The following RC3H1 variants were observed in gnomAD, a reference collection of about 807,000 sequenced individuals.
RC3H1 encodes the protein ring finger and CCCH-type domains 1.
Under a neutral mutation model 138.2 loss-of-function variants are expected in RC3H1, and 50 were observed. That is an observed-to-expected ratio of 0.36 (90% CI 0.29 to 0.46). The LOEUF (loss-of-function observed/expected upper bound fraction) is 0.46. Among genes scored for constraint, RC3H1 ranks in the 20% least tolerant of loss-of-function variants. The probability of loss-of-function intolerance (pLI) is 1.00; values close to 1 mark genes in which losing one functional copy is unlikely to be tolerated. For missense variants in RC3H1, 1,031 were observed against 1,388.1 expected, an observed-to-expected ratio of 0.74 and a Z score of 4.09; for synonymous variants, 462 against 489.1, an observed-to-expected ratio of 0.94 and a Z score of 0.73.
intron 2 of RC3H1, among the ~76,000 whole-genome samples, chr1:173,989,305 C>G (rs911347531): frequency 6.7e-6 from 1 of 149,878 alleles, no homozygotes; most frequent in Non-Finnish European, 1.5e-5. Context: ...AGGTGATGCT[C>G]CCACCTCAGC....
At position 173,935,347 on chromosome 1, in the gene RC3H1, A is replaced by T. The variant is rs1658540140; in HGVS notation, c.*3374T>A. 6.6e-6 allele frequency: 1 copy of T among 152,106 alleles called. No homozygotes were observed. Among genetic ancestry groups the T allele is most frequent in the African/African-American group, 2.4e-5 (1 of 41,412 alleles). 9.4% of individuals were successfully genotyped at this position (152,106 alleles called of 1,614,324 possible). A position where few individuals can be genotyped will look rare whatever the true frequency, so the allele number is the denominator to read the frequency against. On this transcript the variant is annotated 3_prime_UTR_variant, in exon 20 of 20. Transcript: ENST00000367696. ...CCTTGAAAAAAGAGTAAGTCAAAATACTTTTATATTTCTCGCTATAAATAA... is the reference window on the plus strand; with the variant it reads ...CCTTGAAAAAAGAGTAAGTCAAAATTCTTTTATATTTCTCGCTATAAATAA...
At position 173,945,059 on chromosome 1, in the gene RC3H1, G is replaced by A. The variant is rs1016928981; in HGVS notation, c.2961+1417C>T. Among the ~76,000 whole-genome samples the A allele has an allele frequency of 2.6e-5, 4 of 151,780 alleles. No individual in the cohort carries two copies. The East Asian group carries it at 7.7e-4, about 29-fold the overall frequency. ...CCATATTCAAAGAATATGTTCCAAC[G>A]TAAAGGATGATGTATAAACAAAACC... On this transcript the variant is annotated intron_variant, in intron 17 of 19. Transcript: ENST00000367696.
rs539022556 is a variant in RC3H1 at position 173,945,681 on chromosome 1, G to A, written c.2961+795C>T. 2.6e-5 allele frequency among the ~76,000 whole-genome samples: 4 copies of A among 152,002 alleles called. No homozygotes were observed. In the East Asian group the frequency reaches 7.8e-4, roughly 30 times the overall value. ...AAAGTGTTATTATTCTTATTACACC[G>A]GAACTATGTTTTACTTTTTAAGTCA... On this transcript the variant is annotated intron_variant, in intron 17 of 19. Coordinates refer to ENST00000367696, the MANE Select transcript of RC3H1 (RefSeq NM_172071.4).
At chr1:173,960,011 G>A (rs1417743687) in intron 13 of RC3H1, among the ~76,000 whole-genome samples, 1 of 149,616 alleles carries the variant, frequency 6.7e-6, no homozygotes, top group African/African-American at 2.5e-5. Context: ...AGGAGGCTGG[G>A]GCAGGAGAAT....
intron 14 of RC3H1, among the ~76,000 whole-genome samples, chr1:173,950,819 G>A (rs552216324): frequency 6.6e-6 from 1 of 151,942 alleles, no homozygotes; most frequent in East Asian, 1.9e-4. Flanking sequence ...GATCACTTGA[G>A]GCCAGGAGTT....
rs138558344 is a variant in RC3H1, at chr1:173,954,164, T to TC, written c.2371-2027_2371-2026insG. On this transcript the variant is annotated intron_variant, in intron 13 of 19. Transcript: ENST00000367696. ...CATGTTTTATTCCCAATAGCCAAGA[T>TC]ATGGAATCAACCTAGGTATCCAGCA... 8.4e-3 allele frequency among the ~76,000 whole-genome samples: 1,277 copies of TC among 152,192 alleles called. 12 individuals carry two copies. Among genetic ancestry groups the TC allele is most frequent in the African/African-American group, 0.029 (1,197 of 41,500 alleles).
chr1:173,977,584 G>T (rs571273418), intron 7 of RC3H1, among the ~76,000 whole-genome samples: 2 of 152,206 alleles, frequency 1.3e-5, no homozygotes, highest in Non-Finnish European at 2.9e-5. Context: ...CAAGCACTGG[G>T]AGATGTATCT....
chr1:174,008,932 G>A (rs923543813), intron 1 of RC3H1, among the ~76,000 whole-genome samples: 3 of 143,188 alleles, frequency 2.1e-5, no homozygotes, highest in East Asian at 2.2e-4. Flanking sequence ...AGCCAAGATC[G>A]TACCACTGCA....
At chr1:173,949,138 G>GA (rs1283886757) in intron 14 of RC3H1, among the ~76,000 whole-genome samples, 1 of 95,740 alleles carries the variant, frequency 1.0e-5, no homozygotes, top group Non-Finnish European at 2.0e-5. Context: ...TTGGGGGGGG[G>GA]GGTGGGGCTG....
At chr1:174,016,769 A>G (rs368611557) in intron 1 of RC3H1, among the ~76,000 whole-genome samples, 1 of 152,094 alleles carries the variant, frequency 6.6e-6, no homozygotes, top group Non-Finnish European at 1.5e-5. Flanking sequence ...TGAATTTAAG[A>G]TAACAATATA....
Position 173,982,796 on chromosome 1 carries a change from C to A in RC3H1, c.699G>T (p.Arg233=). The A allele has an allele frequency of 1.2e-6, 2 of 1,613,878 alleles. No individual in the cohort carries two copies. Among genetic ancestry groups the A allele is most frequent in the Middle Eastern group, 1.7e-4 (1 of 6,060 alleles). ...VLFVVQRLEP[R]FPQASKTSIG... is the part of the protein sequence containing the mutation. The stretch of plus-strand genomic sequence containing the variant: ...TGCTAGTTTTAGAGGCTTGAGGAAA[C>A]CGTGGCTCCAATCTTTGCACCACAA... The change falls in exon 5 of 20, where the codon CGG becomes CGT. Residue 233 remains arginine (R), a synonymous_variant. Transcript: ENST00000367696.
intron 8 of RC3H1, among the ~76,000 whole-genome samples, chr1:173,970,836 T>A (rs576184515): frequency 1.3e-5 from 2 of 152,190 alleles, no homozygotes; most frequent in Non-Finnish European, 2.9e-5. Context: ...TTTTCTGATA[T>A]GTTGATATTA....
chr1:173,969,737 A>T (rs563214679), intron 9 of RC3H1, among the ~76,000 whole-genome samples: 2 of 150,214 alleles, frequency 1.3e-5, no homozygotes, highest in South Asian at 2.1e-4. Flanking sequence ...AAATAAAAAT[A>T]AAAAAAATTA....
At chr1:173,945,157 T>TCTGTCA (rs1659080116) in intron 17 of RC3H1, among the ~76,000 whole-genome samples, 2 of 149,724 alleles carry the variant, frequency 1.3e-5, no homozygotes. Context: ...AGAGTCTCAC[T>TCTGTCA]CTGTCACTCA....
At chr1:173,946,909 G>T in intron 15 of RC3H1, 73 bp from the exon 16 acceptor site, 1 of 1,042,680 alleles carries the variant, frequency 9.6e-7, no homozygotes, top group Non-Finnish European at 1.5e-6. Context: ...TAATCTGAAA[G>T]ACATCAGCGT....
rs1362040121 is a variant in RC3H1, at chr1:173,962,106, CAA to C, written c.1832-13_1832-12del. The C allele has an allele frequency of 3.2e-6, 5 of 1,574,892 alleles. No homozygotes were observed. Among genetic ancestry groups the C allele is most frequent in the Non-Finnish European group, 4.3e-6 (5 of 1,156,386 alleles). On this transcript the variant is annotated splice_polypyrimidine_tract_variant and intron_variant, in intron 11 of 19. Coordinates refer to ENST00000367696, the MANE Select transcript of RC3H1 (RefSeq NM_172071.4). The stretch of plus-strand genomic sequence containing the variant: ...GAGTATAATACATACCTGCACAATA[CAA>C]AAGAGGACCCAAAAGCAAATAATGA...
At chr1:173,945,569 C>T (rs781131506) in intron 17 of RC3H1, among the ~76,000 whole-genome samples, 10 of 152,160 alleles carry the variant, frequency 6.6e-5, no homozygotes, top group Admixed American at 3.9e-4. Flanking sequence ...GAGGACAATA[C>T]CACCTGCCTA....
chr1:174,010,612 C>A (rs1461907412), intron 1 of RC3H1, among the ~76,000 whole-genome samples: 3 of 151,952 alleles, frequency 2.0e-5, no homozygotes, highest in African/African-American at 7.3e-5. Flanking sequence ...CGAGGTCTCA[C>A]AATATTGCCC....
chr1:173,951,614 C>T (rs1052662587), intron 14 of RC3H1, among the ~76,000 whole-genome samples: 1 of 152,024 alleles, frequency 6.6e-6, no homozygotes, highest in Non-Finnish European at 1.5e-5. Context: ...GATCTTGGCT[C>T]ACTGCACGCT....
Sources: allele counts gnomAD v4.1 joint callset (sites outside exome capture counted in the v4.1 genomes callset), GRCh38; gene constraint gnomAD v4.1.1; transcripts MANE v1.5; gene names NCBI Gene and HGNC (gene_info 2026-07-23, HGNC 2026-07-21).